Variants in ASAP3 observed in about 807,000 individuals in gnomAD.
ASAP3 encodes the protein ArfGAP with SH3 domain, ankyrin repeat and PH domain 3.
ASAP3 carries 85 observed loss-of-function variants against 118.2 expected under a neutral mutation model. That is an observed-to-expected ratio of 0.72 (90% CI 0.60 to 0.86). ASAP3 has a LOEUF of 0.86. Among genes scored for constraint, ASAP3 ranks in the 40% least tolerant of loss-of-function variants. The pLI is 0.00. For missense variants in ASAP3, 1,026 were observed against 1,175.0 expected, an observed-to-expected ratio of 0.87 and a Z score of 1.85; for synonymous variants, 432 against 477.4, an observed-to-expected ratio of 0.90 and a Z score of 1.24.
At position 23,429,858 on chromosome 1, in the gene ASAP3, A is replaced by G; in HGVS notation, c.2710T>C (p.Ter904GlnextTer27). ...PASSVQLLQD[*>Q] ...GGCATGTGGGGGCCAGCAAGGAGCT[A>G]GTCTTGCAAAAGTTGCACAGAACTT... The change falls in exon 25 of 25, where the codon TAG becomes CAG. Residue 904 changes from the stop codon to glutamine, a stop_lost. Transcript: ENST00000336689. The G allele has an allele frequency of 1.9e-6, 3 of 1,613,638 alleles. No homozygotes were observed. The African/African-American group carries it at 4.0e-5, about 22-fold the overall frequency.
chr1:23,478,494 C>T (rs1337321108), intron 1 of ASAP3, among the ~76,000 whole-genome samples: 1 of 151,480 alleles, frequency 6.6e-6, no homozygotes, highest in African/African-American at 2.4e-5. Flanking sequence ...GGTGCAGTGG[C>T]TCATGCCTGT....
intron 24 of ASAP3, among the ~76,000 whole-genome samples, chr1:23,430,699 T>A (rs1251588711): frequency 6.6e-6 from 1 of 152,214 alleles, no homozygotes; most frequent in Non-Finnish European, 1.5e-5. Context: ...TCATGATCAC[T>A]GCCATCCCTC....
chr1:23,432,978 G>A, intron 22 of ASAP3, 99 bp downstream of exon 22: 1 of 1,386,130 alleles, frequency 7.2e-7, no homozygotes, highest in Non-Finnish European at 1.0e-6. Context: ...TCATCATAAG[G>A]ATAGTACGGA....
chr1:23,436,722 C>T lies in ASAP3; in HGVS notation c.1477-68G>A. 6.3e-7 allele frequency: 1 copy of T among 1,596,512 alleles called. No individual in the cohort carries two copies. Among genetic ancestry groups the T allele is most frequent in the South Asian group, 1.1e-5 (1 of 90,280 alleles). On this transcript the variant is annotated intron_variant, in intron 15 of 24. Transcript: ENST00000336689. This position sits in a 1 kb window ranked among gnomAD's most constrained non-coding sequence, Gnocchi z 4.2. ...GCGGTTAAGCCTGCATAGGGTGGAG[C>T]TCCAAGCCCCCAGAGTCCCGCCCCT...
intron 1 of ASAP3, 78 bp from the exon 2 acceptor site, chr1:23,456,272 A>T (rs1303385586): frequency 7.2e-7 from 1 of 1,381,272 alleles, no homozygotes; most frequent in African/African-American, 1.4e-5. Context: ...TGTATCTATG[A>T]TTTCCACCCC....
Position 23,442,199 on chromosome 1 carries a change from G to A in ASAP3, c.658C>T (p.His220Tyr), listed in dbSNP as rs902677114. 1 of 1,602,244 alleles carries A rather than the reference G, an allele frequency of 6.2e-7. No homozygotes were observed. Among genetic ancestry groups the A allele is most frequent in the African/African-American group, 1.3e-5 (1 of 74,858 alleles). The change falls in exon 7 of 25, where the codon CAC (histidine) becomes TAC (tyrosine). Residue 220 changes from histidine (H) to tyrosine (Y), a missense_variant. Coordinates refer to ENST00000336689, the MANE Select transcript of ASAP3 (RefSeq NM_017707.4). ...DFLQSLIKFFHAQHNFFQDGW... is the reference protein window; with the variant it reads ...DFLQSLIKFFYAQHNFFQDGW... The stretch of plus-strand genomic sequence containing the variant: ...GAAGATACCTACTTGTGCTGGGCGT[G>A]GAAGAACTTGATGAGGCTCTGAAGG...
At position 23,452,632 on chromosome 1, in the gene ASAP3, C is replaced by A; in HGVS notation, c.423+65G>T. On this transcript the variant is annotated intron_variant, in intron 4 of 24. Coordinates refer to ENST00000336689, the MANE Select transcript of ASAP3 (RefSeq NM_017707.4). Reference sequence around the variant, plus strand: ...TCCACCCTCAGTCCAGCCCTGCCCCCCAACAGTCTCCTGCCCACCCCTCTT... The same window carrying A: ...TCCACCCTCAGTCCAGCCCTGCCCCACAACAGTCTCCTGCCCACCCCTCTT... The A allele has an allele frequency of 1.4e-5, 22 of 1,546,580 alleles. 2 individuals carry two copies. In the South Asian group the frequency reaches 2.2e-4, roughly 16 times the overall value.
Position 23,437,411 on chromosome 1 carries a change from A to AG in ASAP3, c.1151+12dup, listed in dbSNP as rs1558119202. ...CCCACAAGGCTGGCCGGGCTGGCCG[A>AG]GGGGGCACTCACGCCTCACACTCGT... On this transcript the variant is annotated intron_variant, in intron 13 of 24. Transcript: ENST00000336689. The surrounding 1 kb of genome is among the most constrained non-coding windows in gnomAD (Gnocchi z 6.1). The AG allele has an allele frequency of 6.2e-7, 1 of 1,613,692 alleles. No individual in the cohort carries two copies. The highest frequency in any genetic ancestry group is 1.1e-5 in the South Asian group (1 of 91,052).
chr1:23,441,130 C>A lies in ASAP3; in HGVS notation c.916G>T (p.Val306Leu), dbSNP rs1004652228. Residue 306 changes from valine to leucine, a missense_variant, in exon 10 of 25, where the codon GTG becomes TTG. Physicochemically the swap from Val to Leu is conservative, Grantham distance 32. Coordinates refer to ENST00000336689, the MANE Select transcript of ASAP3 (RefSeq NM_017707.4). ...TCACTTTTCTTGTATAGAAAGCCCA[C>A]TTTCTCCGTCCCAAACTGCTTGTTG... is the stretch of plus-strand genomic sequence containing the variant. Reference protein sequence around the residue: ...QGNKQFGTEKVGFLYKKSDGI... With the variant: ...QGNKQFGTEKLGFLYKKSDGI... 3 of 1,614,228 alleles carry A rather than the reference C, an allele frequency of 1.9e-6. No individual in the cohort carries two copies. Among genetic ancestry groups the A allele is most frequent in the Admixed American group, 1.7e-5 (1 of 60,026 alleles).
chr1:23,440,233 G>A (rs1640814002), intron 10 of ASAP3, among the ~76,000 whole-genome samples: 1 of 150,978 alleles, frequency 6.6e-6, no homozygotes, highest in African/African-American at 2.4e-5. Context: ...TGGGCGCAGT[G>A]GCTCACGCCT....
Position 23,437,076 on chromosome 1 carries a change from G to A in ASAP3, c.1343-32C>T, listed in dbSNP as rs376276784. 18 of 1,602,672 alleles carry A rather than the reference G, an allele frequency of 1.1e-5. No individual in the cohort carries two copies. The highest frequency in any genetic ancestry group is 2.7e-5 in the African/African-American group (2 of 74,648). On this transcript the variant is annotated intron_variant, in intron 14 of 24. Transcript: ENST00000336689. This position sits in a 1 kb window ranked among gnomAD's most constrained non-coding sequence, Gnocchi z 6.1. Reference sequence around the variant, plus strand: ...AGGAAAGCAGCTGGAGCCTGGAGGTGCAGCCCCTCCCCTCCACTTAAGCCT... The same window carrying A: ...AGGAAAGCAGCTGGAGCCTGGAGGTACAGCCCCTCCCCTCCACTTAAGCCT...
intron 5 of ASAP3, among the ~76,000 whole-genome samples, chr1:23,446,270 T>G (rs1378044954): frequency 2.6e-5 from 4 of 152,162 alleles, no homozygotes; most frequent in Non-Finnish European, 5.9e-5. Flanking sequence ...TTACTTAACC[T>G]TTATAAAACT....
At chr1:23,465,531 T>G (rs1641739892) in intron 1 of ASAP3, among the ~76,000 whole-genome samples, 1 of 151,496 alleles carries the variant, frequency 6.6e-6, no homozygotes, top group South Asian at 2.1e-4. Context: ...GGGGATAGAC[T>G]CTCACTCTCG....
chr1:23,478,249 G>A (rs1340848878), intron 1 of ASAP3, among the ~76,000 whole-genome samples: 1 of 152,202 alleles, frequency 6.6e-6, no homozygotes, highest in East Asian at 1.9e-4. Context: ...TGGATCACCT[G>A]AGGTCAGGAG....
At chr1:23,465,324 CA>C (rs1163138403) in intron 1 of ASAP3, among the ~76,000 whole-genome samples, 1 of 152,212 alleles carries the variant, frequency 6.6e-6, no homozygotes, top group Non-Finnish European at 1.5e-5. Flanking sequence ...AGGGAGAGTG[CA>C]AGCAGCATGT....
chr1:23,479,582 C>T (rs1642242919), intron 1 of ASAP3, among the ~76,000 whole-genome samples: 2 of 152,030 alleles, frequency 1.3e-5, no homozygotes, highest in Non-Finnish European at 1.5e-5. Context: ...GTAAAATTCA[C>T]AAGAATATTA....
intron 1 of ASAP3, among the ~76,000 whole-genome samples, chr1:23,472,933 A>C (rs147333450): frequency 6.6e-6 from 1 of 152,278 alleles, no homozygotes; most frequent in African/African-American, 2.4e-5. Flanking sequence ...CACACAGCCA[A>C]TAGGAATTCA....
rs35344912 is a variant in ASAP3, at chr1:23,440,500, CAAAAAAAAAAAA to C, written c.944+590_944+601del. Among the ~76,000 whole-genome samples the C allele has an allele frequency of 9.5e-4, 23 of 24,320 alleles. No individual in the cohort carries two copies. In the South Asian group the frequency reaches 9.6e-3, roughly 10 times the overall value. The allele number at this position is 24,320 out of a possible 152,430, so 16.0% of individuals were successfully genotyped here. A position where few individuals can be genotyped will look rare whatever the true frequency, so the allele number is the denominator to read the frequency against. On this transcript the variant is annotated intron_variant, in intron 10 of 24. Coordinates refer to ENST00000336689, the MANE Select transcript of ASAP3 (RefSeq NM_017707.4). The stretch of plus-strand genomic sequence containing the variant: ...TGGGTGACGGAGGGAGACTCCATCT[CAAAAAAAAAAAA>C]AAAAAAAAAAAAAAAAAAGAATGAG...
rs1219880930 is a variant in ASAP3 at position 23,437,859 on chromosome 1, CA to C, written c.1103-388del. Among the ~76,000 whole-genome samples, 2 of 152,122 alleles carry C rather than the reference CA, an allele frequency of 1.3e-5. No individual in the cohort carries two copies. The highest frequency in any genetic ancestry group is 4.8e-5 in the African/African-American group (2 of 41,418). Reference sequence around the variant, plus strand: ...CCTCCTGTCTGGTCTCCCTGCTTCCCATTTCCCCTTTCCCCTAGCCTGTACC... The same window carrying C: ...CCTCCTGTCTGGTCTCCCTGCTTCCCTTTCCCCTTTCCCCTAGCCTGTACC... On this transcript the variant is annotated intron_variant, in intron 12 of 24. Transcript: ENST00000336689. This position sits in a 1 kb window ranked among gnomAD's most constrained non-coding sequence, Gnocchi z 6.1.
Sources: gnomAD v4.1 joint callset for allele counts (sites outside exome capture counted in the v4.1 genomes callset) on GRCh38, gnomAD v4.1.1 for gene constraint, Gnocchi (gnomAD v3.1) non-coding constraint, MANE v1.5 for transcripts, NCBI Gene and HGNC (gene_info 2026-07-23, HGNC 2026-07-21) for gene names.